NOX3: variants seen among roughly 807,000 people sequenced by gnomAD.
NOX3 encodes the protein NADPH oxidase catalytic subunit-like 3.
Under a neutral mutation model 76.7 loss-of-function variants are expected in NOX3, and 74 were observed. The ratio of observed to expected loss-of-function variants is 0.96; its 90% CI spans 0.80 to 1.17. The LOEUF (loss-of-function observed/expected upper bound fraction) is 1.17, where lower values mean the gene tolerates loss of function less well. Among genes scored for constraint, NOX3 ranks in the 50% most tolerant of loss-of-function variants. The pLI is 0.00. For missense variants in NOX3, 695 were observed against 703.3 expected, an observed-to-expected ratio of 0.99 and a Z score of 0.13; for synonymous variants, 263 against 261.1, an observed-to-expected ratio of 1.01 and a Z score of -0.07.
At position 155,415,513 on chromosome 6, in the gene NOX3, G is replaced by C. The variant is rs1776612623; in HGVS notation, c.1309-4153C>G. On this transcript the variant is annotated intron_variant, in intron 10 of 13. Transcript: ENST00000159060. ...TACCTATGTATTTATTTATGGCCCA[G>C]AACCCCTCTAAACAAGGAAAGTGTA... is the stretch of plus-strand genomic sequence containing the variant. Among the ~76,000 whole-genome samples, 3 of 152,172 alleles carry C rather than the reference G, an allele frequency of 2.0e-5. No individual in the cohort carries two copies. The South Asian group carries it at 6.2e-4, about 32-fold the overall frequency.
chr6:155,436,443 G>A lies in NOX3; in HGVS notation c.773C>T (p.Pro258Leu), dbSNP rs758178198. 6.2e-7 allele frequency: 1 copy of A among 1,614,128 alleles called. No individual in the cohort carries two copies. The highest frequency in any genetic ancestry group is 1.3e-5 in the African/African-American group (1 of 75,032). Residue 258 changes from proline (P) to leucine (L), a missense_variant, in exon 7 of 14, where the codon CCT (proline) becomes CTT (leucine). Pro to Leu is a moderately conservative substitution (Grantham distance 98, BLOSUM62 -3). Transcript: ENST00000159060. The part of the protein sequence containing the change: ...EWQTVAQCPV[P>L]QFSGKEPSAW... Reference sequence around the variant, plus strand: ...CGAGGGTTCCTTGCCAGAAAATTGAGGCACGGGGCATTGGGCCACTGTCTG... The same window carrying A: ...CGAGGGTTCCTTGCCAGAAAATTGAAGCACGGGGCATTGGGCCACTGTCTG...
At chr6:155,441,305 T>C (rs1776982905) in intron 5 of NOX3, among the ~76,000 whole-genome samples, 1 of 152,214 alleles carries the variant, frequency 6.6e-6, no homozygotes, top group South Asian at 2.1e-4. Flanking sequence ...TTCTTCATTA[T>C]TTTTTCTTCA....
intron 9 of NOX3, among the ~76,000 whole-genome samples, chr6:155,424,646 A>G: frequency 6.6e-6 from 1 of 152,222 alleles, no homozygotes; most frequent in East Asian, 1.9e-4. Flanking sequence ...CCTCAAGTTA[A>G]TCTTAATTAA....
At chr6:155,416,348 A>G (rs1453535280) in intron 10 of NOX3, among the ~76,000 whole-genome samples, 1 of 152,214 alleles carries the variant, frequency 6.6e-6, no homozygotes, top group Admixed American at 6.5e-5. Flanking sequence ...TTTAGAAAAT[A>G]TATTACCTCC....
chr6:155,422,564 G>A (rs886183714), intron 10 of NOX3, 130 bp downstream of exon 10: 5 of 799,302 alleles, frequency 6.3e-6, no homozygotes, highest in East Asian at 2.6e-5. Context: ...AAGAACATAA[G>A]TATAGTTAAG....
intron 9 of NOX3, 75 bp from the exon 10 acceptor site, chr6:155,422,931 G>A: frequency 6.6e-7 from 1 of 1,503,954 alleles, no homozygotes; most frequent in East Asian, 2.3e-5. Context: ...ATCCGGAGCT[G>A]GTGCTTTTTA....
intron 12 of NOX3, among the ~76,000 whole-genome samples, chr6:155,399,106 C>A (rs764658275): frequency 6.6e-5 from 10 of 152,166 alleles, no homozygotes; most frequent in African/African-American, 2.2e-4. Context: ...ATGGATCAGG[C>A]GAGACCCTTC....
At chr6:155,422,878 G>T in intron 9 of NOX3, 22 bp from the exon 10 acceptor site, 1 of 1,613,326 alleles carries the variant, frequency 6.2e-7, no homozygotes, top group Non-Finnish European at 8.5e-7. Context: ...GAGGAATGCA[G>T]CCTATTTGAC....
intron 8 of NOX3, 146 bp from the exon 9 acceptor site, chr6:155,429,193 T>G (rs192554402): frequency 4.1e-6 from 3 of 727,388 alleles, no homozygotes; most frequent in Non-Finnish European, 2.1e-6. Flanking sequence ...CCCAAAGATA[T>G]GTGCCATCGC....
chr6:155,448,708 A>G (rs1777096394), intron 4 of NOX3, among the ~76,000 whole-genome samples: 1 of 150,264 alleles, frequency 6.7e-6, no homozygotes, highest in Admixed American at 6.6e-5. Flanking sequence ...AAGTTCTTTT[A>G]CCTTCCTTCT....
chr6:155,450,639 G>A (rs1777121580), intron 4 of NOX3, among the ~76,000 whole-genome samples: 1 of 152,182 alleles, frequency 6.6e-6, no homozygotes, highest in Non-Finnish European at 1.5e-5. Flanking sequence ...GGGGAGGTAG[G>A]CCAGGATATG....
At chr6:155,454,772 C>T (rs749687818) in intron 3 of NOX3, 39 bp downstream of exon 3, 25 of 1,187,644 alleles carry the variant, frequency 2.1e-5, no homozygotes, top group Non-Finnish European at 2.9e-5. Flanking sequence ...ATGAGGAAGT[C>T]GTAACAGTTG....
At chr6:155,421,956 C>G (rs1260570222) in intron 10 of NOX3, among the ~76,000 whole-genome samples, 1 of 152,172 alleles carries the variant, frequency 6.6e-6, no homozygotes, top group African/African-American at 2.4e-5. Flanking sequence ...TTAAGTCAAG[C>G]GTCTCCCTTT....
At chr6:155,419,109 A>G (rs1240998383) in intron 10 of NOX3, among the ~76,000 whole-genome samples, 1 of 152,256 alleles carries the variant, frequency 6.6e-6, no homozygotes, top group Admixed American at 6.5e-5. Context: ...CTGACAGTTT[A>G]GTGGAAGGAG....
rs1554263044 is a variant in NOX3, at chr6:155,411,489, TTGTG to T, written c.1309-133_1309-130del. The T allele has an allele frequency of 3.7e-6, 3 of 805,420 alleles. No homozygotes were observed. In the East Asian group the frequency reaches 8.6e-5, roughly 23 times the overall value. 49.9% of individuals were successfully genotyped at this position (805,420 alleles called of 1,614,324 possible). On this transcript the variant is annotated intron_variant, in intron 10 of 13. Transcript: ENST00000159060. ...CTTCTGCAAAATAACATGCTTTTTTTTGTGTGTGTCAGTGAACAAACAGTCACAC... is the reference window on the plus strand; with the variant it reads ...CTTCTGCAAAATAACATGCTTTTTTTTGTGTCAGTGAACAAACAGTCACAC...
rs370185942 is a variant in NOX3, at chr6:155,422,675, A to G, written c.1308+19T>C. On this transcript the variant is annotated intron_variant, in intron 10 of 13. Coordinates refer to ENST00000159060, the MANE Select transcript of NOX3 (RefSeq NM_015718.3). ...AACCTTTTAATCCATGGAAGGGTGAACTAATGATTTTTCCGTACCTTGCTC... is the reference window on the plus strand; with the variant it reads ...AACCTTTTAATCCATGGAAGGGTGAGCTAATGATTTTTCCGTACCTTGCTC... 1.9e-4 allele frequency: 314 copies of G among 1,612,044 alleles called. No individual in the cohort carries two copies. Among genetic ancestry groups the G allele is most frequent in the Non-Finnish European group, 2.6e-4 (308 of 1,178,486 alleles).
intron 10 of NOX3, among the ~76,000 whole-genome samples, chr6:155,418,924 A>G (rs1776654941): frequency 6.6e-6 from 1 of 152,266 alleles, no homozygotes; most frequent in African/African-American, 2.4e-5. Flanking sequence ...ACCTAATCGC[A>G]GTTAACCATT....
intron 10 of NOX3, among the ~76,000 whole-genome samples, chr6:155,413,849 G>T (rs1248741407): frequency 6.6e-6 from 1 of 152,126 alleles, no homozygotes; most frequent in Non-Finnish European, 1.5e-5. Flanking sequence ...CACATTCATA[G>T]ATGGATAATA....
At chr6:155,443,231 G>T in intron 5 of NOX3, 42 bp downstream of exon 5, 1 of 1,585,132 alleles carries the variant, frequency 6.3e-7, no homozygotes, top group Non-Finnish European at 8.6e-7. Flanking sequence ...GGAAAAGGAC[G>T]GATTTTTCAG....
Sources: allele counts gnomAD v4.1 joint callset (sites outside exome capture counted in the v4.1 genomes callset), GRCh38; gene constraint gnomAD v4.1.1; transcripts MANE v1.5; gene names NCBI Gene and HGNC (gene_info 2026-07-23, HGNC 2026-07-21).